ADAMTS20: variants seen among roughly 807,000 people sequenced by gnomAD.
ADAMTS20 encodes the protein A disintegrin and metalloproteinase with thrombospondin motifs 20.
In ADAMTS20, 225 loss-of-function variants were observed where a neutral mutation model predicts 260.1. The ratio of observed to expected loss-of-function variants is 0.87; its 90% CI spans 0.78 to 0.97. The LOEUF (loss-of-function observed/expected upper bound fraction) is 0.97. Ranked by LOEUF, ADAMTS20 falls within the 50% of genes least tolerant of loss-of-function variation. The pLI, the probability that ADAMTS20 is intolerant of heterozygous loss-of-function variation, is 0.00. For synonymous variants in ADAMTS20, 802 were observed against 769.5 expected, an observed-to-expected ratio of 1.04 and a Z score of -0.70; for missense variants, 2,400 against 2,337.7, an observed-to-expected ratio of 1.03 and a Z score of -0.55.
At chr12:43,452,230 C>A in intron 14 of ADAMTS20, 44 bp downstream of exon 14, 1 of 1,537,696 alleles carries the variant, frequency 6.5e-7, no homozygotes, top group Non-Finnish European at 8.7e-7. Flanking sequence ...AAACATTATT[C>A]TTAAAGTCAC....
intron 21 of ADAMTS20, 81 bp from the exon 22 acceptor site, chr12:43,431,577 C>T: frequency 6.7e-7 from 1 of 1,487,468 alleles, no homozygotes; most frequent in Non-Finnish European, 9.3e-7. Context: ...GATCAATTTG[C>T]ATATAGAAAT....
At chr12:43,438,319 C>T (rs748568729) in intron 18 of ADAMTS20, among the ~76,000 whole-genome samples, 13 of 152,186 alleles carry the variant, frequency 8.5e-5, no homozygotes, top group Non-Finnish European at 1.3e-4. Flanking sequence ...CACAGATGAG[C>T]TTACCCACTC....
intron 36 of ADAMTS20, among the ~76,000 whole-genome samples, chr12:43,373,411 G>A (rs1316413781): frequency 1.3e-5 from 2 of 152,088 alleles, no homozygotes; most frequent in Admixed American, 1.3e-4. Context: ...CTCTATCAGG[G>A]ATGTCTAATC....
intron 36 of ADAMTS20, among the ~76,000 whole-genome samples, chr12:43,374,368 A>G (rs144196621): frequency 6.6e-6 from 1 of 152,290 alleles, no homozygotes; most frequent in East Asian, 1.9e-4. Context: ...TTCAATGGCA[A>G]TTGAGATGGA....
downstream of ADAMTS20, among the ~76,000 whole-genome samples, chr12:43,353,153 T>C (rs10880469): frequency 0.23 from 34,226 of 151,884 alleles, 4,613 homozygotes; most frequent in African/African-American, 0.37. Context: ...ATATAATACA[T>C]GGTTAAATTA....
intron 11 of ADAMTS20, among the ~76,000 whole-genome samples, chr12:43,460,690 G>A (rs1942043308): frequency 6.6e-6 from 1 of 151,954 alleles, no homozygotes; most frequent in South Asian, 2.1e-4. Context: ...AATATCTATT[G>A]ACAGGAGAAT....
chr12:43,503,192 C>T (rs1251226469), intron 3 of ADAMTS20, among the ~76,000 whole-genome samples: 3 of 152,098 alleles, frequency 2.0e-5, no homozygotes, highest in Non-Finnish European at 2.9e-5. Flanking sequence ...TTTCTCTCCC[C>T]TTCATTTTGT....
chr12:43,456,134 T>C lies in ADAMTS20; in HGVS notation c.1615-2082A>G, dbSNP rs541799175. On this transcript the variant is annotated intron_variant, in intron 11 of 38. Transcript: ENST00000389420. ...AAATATGGCTTATATTTTGGATGTC[T>C]TTTTTGCATTTCATTTTCCTAGTCA... is the stretch of plus-strand genomic sequence containing the variant. Among the ~76,000 whole-genome samples, 3 of 152,326 alleles carry C rather than the reference T, an allele frequency of 2.0e-5. No individual in the cohort carries two copies. In the South Asian group the frequency reaches 6.2e-4, roughly 32 times the overall value.
intron 14 of ADAMTS20, 81 bp from the exon 15 acceptor site, chr12:43,446,793 G>A: frequency 8.6e-7 from 1 of 1,160,494 alleles, no homozygotes; most frequent in Non-Finnish European, 1.3e-6. Context: ...CATACAATCA[G>A]ATATGACAAA....
intron 31 of ADAMTS20, among the ~76,000 whole-genome samples, 196 bp from the exon 32 acceptor site, chr12:43,377,758 C>T (rs1477359941): frequency 2.0e-5 from 3 of 152,058 alleles, no homozygotes; most frequent in African/African-American, 7.2e-5. Context: ...AGGAAAGAAA[C>T]TCAGATCCAG....
chr12:43,354,443 C>A, intron 38 of ADAMTS20, 145 bp from the exon 39 acceptor site: 1 of 591,312 alleles, frequency 1.7e-6, no homozygotes, highest in Non-Finnish European at 3.0e-6. Flanking sequence ...GGTCAAAGAT[C>A]ATATGCCTTT....
chr12:43,379,188 T>C (rs560779950), intron 31 of ADAMTS20, among the ~76,000 whole-genome samples: 2 of 152,308 alleles, frequency 1.3e-5, no homozygotes, highest in East Asian at 3.9e-4. Context: ...TTATTTGACC[T>C]GACCTGCTCA....
chr12:43,493,823 A>T (rs17615723), intron 4 of ADAMTS20, among the ~76,000 whole-genome samples: 1 of 152,108 alleles, frequency 6.6e-6, no homozygotes, highest in African/African-American at 2.4e-5. Context: ...TTATTTTTAA[A>T]GTTTAGCATC....
intron 3 of ADAMTS20, among the ~76,000 whole-genome samples, chr12:43,503,267 G>A (rs982771751): frequency 6.6e-6 from 1 of 151,858 alleles, no homozygotes; most frequent in African/African-American, 2.4e-5. Context: ...TTGTTTGGTG[G>A]TGGTATTTTC....
chr12:43,399,246 T>C lies in ADAMTS20; in HGVS notation c.4285-13A>G, dbSNP rs1237534028. 6.8e-7 allele frequency: 1 copy of C among 1,480,796 alleles called. No homozygotes were observed. The allele number at this position is 1,480,796 out of a possible 1,614,324, so 91.7% of individuals were successfully genotyped here. ...AAGAAGCTGAGCACTAGAAAAGAAA[T>C]ATGAATGCACTTGATTCATTTTCTT... is the stretch of plus-strand genomic sequence containing the variant. On this transcript the variant is annotated splice_polypyrimidine_tract_variant and intron_variant, in intron 28 of 38. Transcript: ENST00000389420.
chr12:43,398,890 CTT>C (rs1237036619), intron 29 of ADAMTS20, among the ~76,000 whole-genome samples, 174 bp downstream of exon 29: 1 of 151,910 alleles, frequency 6.6e-6, no homozygotes. Flanking sequence ...TAACTATAAA[CTT>C]AGGAAATGTG....
At chr12:43,373,561 T>C (rs888094350) in intron 36 of ADAMTS20, among the ~76,000 whole-genome samples, 1 of 151,948 alleles carries the variant, frequency 6.6e-6, no homozygotes, top group Non-Finnish European at 1.5e-5. Context: ...CAAATTTGTG[T>C]TGGGCCACAT....
At chr12:43,415,708 C>T (rs1475143711) in intron 28 of ADAMTS20, among the ~76,000 whole-genome samples, 1 of 152,154 alleles carries the variant, frequency 6.6e-6, no homozygotes, top group Non-Finnish European at 1.5e-5. Context: ...CAAACTGAGG[C>T]ATTCTAATAC....
intron 6 of ADAMTS20, among the ~76,000 whole-genome samples, chr12:43,491,084 C>A (rs910691690): frequency 3.9e-5 from 6 of 152,186 alleles, no homozygotes; most frequent in African/African-American, 1.2e-4. Flanking sequence ...CACTGCATAA[C>A]ATGTTTCAGT....
Sources: allele counts gnomAD v4.1 joint callset (sites outside exome capture counted in the v4.1 genomes callset), GRCh38; gene constraint gnomAD v4.1.1; transcripts MANE v1.5; gene names NCBI Gene and HGNC (gene_info 2026-07-23, HGNC 2026-07-21).